SYNE3: variants seen among roughly 807,000 people sequenced by gnomAD.
SYNE3 encodes the protein spectrin repeat containing nuclear envelope family member 3.
Under a neutral mutation model 111.2 loss-of-function variants are expected in SYNE3, and 100 were observed. The observed-to-expected ratio is 0.90, with a 90% CI of 0.77 to 1.06. The LOEUF (loss-of-function observed/expected upper bound fraction) is 1.06. Ranked by LOEUF, SYNE3 falls within the 50% of genes least tolerant of loss-of-function variation. The pLI is 0.00. For missense variants in SYNE3, 1,160 were observed against 1,240.3 expected (o/e 0.94, Z 0.97); for synonymous variants, 547 against 533.9 (o/e 1.02, Z -0.34).
intron 17 of SYNE3, among the ~76,000 whole-genome samples, chr14:95,424,635 A>G (rs997968350): frequency 2.6e-5 from 4 of 152,342 alleles, no homozygotes; most frequent in Non-Finnish European, 2.9e-5. Flanking sequence ...GATAAGAGGC[A>G]CAAGTAAACC....
At chr14:95,446,193 C>T (rs1307410795) in intron 8 of SYNE3, 102 bp from the exon 9 acceptor site, 7 of 1,374,282 alleles carry the variant, frequency 5.1e-6, no homozygotes, top group African/African-American at 1.4e-5. Flanking sequence ...TTAGGAAGCT[C>T]ACCTTTGTGC....
At chr14:95,443,313 A>G in intron 10 of SYNE3, 24 bp from the exon 11 acceptor site, 1 of 1,613,824 alleles carries the variant, frequency 6.2e-7, no homozygotes, top group Non-Finnish European at 8.5e-7. Flanking sequence ...GGGAACAGGT[A>G]GGCTAATCTT....
chr14:95,509,386 A>G (rs1443884458), intron 1 of SYNE3, among the ~76,000 whole-genome samples: 1 of 152,188 alleles, frequency 6.6e-6, no homozygotes, highest in African/African-American at 2.4e-5. Context: ...CCTAATCCTC[A>G]GAGCAAGGCG....
chr14:95,411,353 C>T lies in SYNE3; in HGVS notation c.*6473G>A, dbSNP rs2139318892. On this transcript the variant is annotated 3_prime_UTR_variant, in exon 18 of 18. Transcript: ENST00000682763. ...AAAAAAAGAAAAAAGAAAAGGAGACCAGAATTGAGAGCTTTCTGAGAGGGC... is the reference window on the plus strand; with the variant it reads ...AAAAAAAGAAAAAAGAAAAGGAGACTAGAATTGAGAGCTTTCTGAGAGGGC... 6.6e-6 allele frequency: 1 copy of T among 151,388 alleles called. No individual in the cohort carries two copies. Among genetic ancestry groups the T allele is most frequent in the Admixed American group, 6.6e-5 (1 of 15,186 alleles). 9.4% of individuals were successfully genotyped at this position (151,388 alleles called of 1,614,324 possible).
At chr14:95,420,471 CT>C in intron 17 of SYNE3, among the ~76,000 whole-genome samples, 1 of 152,294 alleles carries the variant, frequency 6.6e-6, no homozygotes, top group Non-Finnish European at 1.5e-5. Context: ...AGAGTTAACA[CT>C]TTGCTTATTC....
chr14:95,486,671 C>T (rs924367225), intron 1 of SYNE3, among the ~76,000 whole-genome samples: 3 of 152,196 alleles, frequency 2.0e-5, no homozygotes, highest in Non-Finnish European at 2.9e-5. Flanking sequence ...ATTATGGCTG[C>T]ACAAGAACAC....
At chr14:95,425,198 A>G (rs1232464517) in intron 17 of SYNE3, among the ~76,000 whole-genome samples, 1 of 151,858 alleles carries the variant, frequency 6.6e-6, no homozygotes, top group East Asian at 1.9e-4. Flanking sequence ...GTGAGCAGAG[A>G]TTGCACCACT....
Position 95,485,407 on chromosome 14 carries a change from G to A in SYNE3, c.-14-9572C>T, listed in dbSNP as rs1202655599. On this transcript the variant is annotated intron_variant, in intron 1 of 17. Coordinates refer to ENST00000682763, the MANE Select transcript of SYNE3 (RefSeq NM_152592.6). This position sits in a 1 kb window ranked among gnomAD's most constrained non-coding sequence, Gnocchi z 4.3. ...TTCCCTGGAGCCACCTTAATCAATA[G>A]ACCTGAGGCATTCACTTGAGAGTGA... Among the ~76,000 whole-genome samples the A allele has an allele frequency of 6.6e-6, 1 of 152,060 alleles. No individual in the cohort carries two copies. Among genetic ancestry groups the A allele is most frequent in the Non-Finnish European group, 1.5e-5 (1 of 68,014 alleles).
chr14:95,465,277 C>T (rs1016942569), intron 4 of SYNE3, among the ~76,000 whole-genome samples: 1 of 152,026 alleles, frequency 6.6e-6, no homozygotes, highest in East Asian at 1.9e-4. Flanking sequence ...ATCAGTCAGT[C>T]GGTCAACACA....
chr14:95,452,032 C>CAAAA (rs1595207143), intron 7 of SYNE3: 1 of 461,534 alleles, frequency 2.2e-6, no homozygotes, highest in Non-Finnish European at 3.6e-6. Context: ...TGGATAAATG[C>CAAAA]AAAGTTCAGG....
At chr14:95,426,068 G>A (rs972003087) in intron 17 of SYNE3, among the ~76,000 whole-genome samples, 9 of 152,236 alleles carry the variant, frequency 5.9e-5, no homozygotes, top group Non-Finnish European at 1.0e-4. Context: ...GGGGTGGAAG[G>A]TGAGTGACAG....
chr14:95,507,853 G>C (rs1232436594), intron 1 of SYNE3, among the ~76,000 whole-genome samples: 2 of 152,214 alleles, frequency 1.3e-5, no homozygotes, highest in East Asian at 3.8e-4. Flanking sequence ...TTCCCTAGGA[G>C]AAAAGGATGT....
chr14:95,498,382 C>T (rs983121437), intron 1 of SYNE3, among the ~76,000 whole-genome samples: 1 of 152,130 alleles, frequency 6.6e-6, no homozygotes, highest in African/African-American at 2.4e-5. Context: ...CCATAGCCAG[C>T]TAATTTTTGC....
chr14:95,480,300 G>A (rs376336891), intron 1 of SYNE3, among the ~76,000 whole-genome samples: 2 of 152,330 alleles, frequency 1.3e-5, no homozygotes, highest in South Asian at 2.1e-4. Context: ...GGGTCATGCT[G>A]GCGCTGGTGT....
chr14:95,516,434 G>A (rs1260118031), intron 1 of SYNE3, among the ~76,000 whole-genome samples, 162 bp downstream of exon 1: 2 of 151,886 alleles, frequency 1.3e-5, no homozygotes, highest in Non-Finnish European at 2.9e-5. Flanking sequence ...CGGGGCCCCC[G>A]CCCCCGCGCC....
intron 1 of SYNE3, among the ~76,000 whole-genome samples, chr14:95,502,745 C>A (rs10484051): frequency 0.15 from 23,559 of 152,200 alleles, 3,342 homozygotes; most frequent in African/African-American, 0.38. Flanking sequence ...TCCATTATTC[C>A]AAAGCAGCTA....
At chr14:95,460,869 T>G (rs1273243103) in intron 4 of SYNE3, among the ~76,000 whole-genome samples, 2 of 151,932 alleles carry the variant, frequency 1.3e-5, no homozygotes, top group African/African-American at 4.8e-5. Context: ...CAGCCGGGAG[T>G]GAACTCTCCC....
At chr14:95,512,863 A>G (rs1490908461) in intron 1 of SYNE3, among the ~76,000 whole-genome samples, 1 of 152,170 alleles carries the variant, frequency 6.6e-6, no homozygotes, top group Non-Finnish European at 1.5e-5. Context: ...GTCTCAAAAA[A>G]TAAATAAATA....
At chr14:95,479,036 C>A (rs974308621) in intron 1 of SYNE3, among the ~76,000 whole-genome samples, 1 of 152,054 alleles carries the variant, frequency 6.6e-6, no homozygotes, top group Non-Finnish European at 1.5e-5. Flanking sequence ...TCTGGCTGGT[C>A]ACTTAACCTC....
Sources: allele counts gnomAD v4.1 joint callset (sites outside exome capture counted in the v4.1 genomes callset), GRCh38; gene constraint gnomAD v4.1.1; non-coding constraint Gnocchi (gnomAD v3.1); transcripts MANE v1.5; gene names NCBI Gene and HGNC (gene_info 2026-07-23, HGNC 2026-07-21).